The following SLC25A19 variants were observed in gnomAD, a reference collection of about 807,000 sequenced individuals.
SLC25A19 encodes the protein solute carrier family 25 member 19.
In SLC25A19, 18 loss-of-function variants were observed where a neutral mutation model predicts 27.9. The observed-to-expected ratio is 0.64, with a 90% CI of 0.45 to 0.96. The LOEUF is 0.96. SLC25A19 is among the 40% of genes least tolerant of loss of function. The probability of loss-of-function intolerance (pLI) is 0.00; values close to 1 mark genes in which losing one functional copy is unlikely to be tolerated. For synonymous variants in SLC25A19, 169 were observed against 167.1 expected (o/e 1.01, Z -0.09); for missense variants, 371 against 418.3 (o/e 0.89, Z 0.99).
In SLC25A19 at chr17:75,278,297, A is replaced by G; in HGVS notation, c.498T>C (p.Tyr166=). The G allele has an allele frequency of 6.2e-7, 1 of 1,614,124 alleles. No homozygotes were observed. The highest frequency in any genetic ancestry group is 8.5e-7 in the Non-Finnish European group (1 of 1,180,028). The change falls in exon 6 of 8, where the codon TAT becomes TAC. Residue 166 remains tyrosine (Y), a synonymous_variant. Coordinates refer to ENST00000416858, the MANE Select transcript of SLC25A19 (RefSeq NM_001126121.2). The stretch of plus-strand genomic sequence containing the variant: ...AGAAAACCTGGGGGCCTTCGCTCCT[A>G]TACATGGTCCCCACGGCGTGGCGCA... ...NTLRHAVGTM[Y]RSEGPQVFYK...
chr17:75,281,181 C>T (rs1269863146), intron 5 of SLC25A19, among the ~76,000 whole-genome samples: 1 of 151,916 alleles, frequency 6.6e-6, no homozygotes, highest in South Asian at 2.1e-4. Context: ...CAGATCAAGA[C>T]CCTGTCTCAA....
chr17:75,289,012 G>C (rs2078249275), intron 1 of SLC25A19: 1 of 152,318 alleles, frequency 6.6e-6, no homozygotes, highest in African/African-American at 2.4e-5. Flanking sequence ...GAGCATACCA[G>C]GCTCTTCCTG....
chr17:75,284,038 C>T (rs1040207922), intron 4 of SLC25A19, among the ~76,000 whole-genome samples: 2 of 151,726 alleles, frequency 1.3e-5, no homozygotes, highest in Admixed American at 6.6e-5. Context: ...CACTTGAACC[C>T]GGGAGGCAGA....
intron 5 of SLC25A19, among the ~76,000 whole-genome samples, chr17:75,282,090 C>G (rs1246640452): frequency 6.6e-6 from 1 of 150,580 alleles, no homozygotes; most frequent in Admixed American, 6.6e-5. Flanking sequence ...GGCAACATGA[C>G]GAAACCCCGT....
chr17:75,278,930 C>T (rs1381456905), intron 5 of SLC25A19, among the ~76,000 whole-genome samples: 1 of 151,558 alleles, frequency 6.6e-6, no homozygotes, highest in Non-Finnish European at 1.5e-5. Flanking sequence ...TTGCAGTGAG[C>T]TGAGATTGTA....
At position 75,282,762 on chromosome 17, in the gene SLC25A19, G is replaced by C. The variant is rs533756370; in HGVS notation, c.459+661C>G. Among the ~76,000 whole-genome samples the C allele has an allele frequency of 8.6e-5, 13 of 151,750 alleles. No homozygotes were observed. The South Asian group carries it at 2.3e-3, about 27-fold the overall frequency. On this transcript the variant is annotated intron_variant, in intron 5 of 7. Transcript: ENST00000416858. Reference sequence around the variant, plus strand: ...AGCTACTCGGGAGGCTGAGGAGGGAGAATGGCGTGAACCCAGGAGGCGGAG... The same window carrying C: ...AGCTACTCGGGAGGCTGAGGAGGGACAATGGCGTGAACCCAGGAGGCGGAG...
intron 2 of SLC25A19, 152 bp from the exon 3 acceptor site, chr17:75,286,954 A>G: frequency 1.4e-6 from 1 of 720,070 alleles, no homozygotes; most frequent in Non-Finnish European, 2.3e-6. Flanking sequence ...GTATCCCAGC[A>G]CTTTCGGAGG....
intron 2 of SLC25A19, 182 bp downstream of exon 2, chr17:75,288,320 A>ATTGCC (rs929045170): frequency 5.3e-5 from 8 of 152,006 alleles, no homozygotes; most frequent in Admixed American, 3.9e-4. Context: ...ACTCCTATCA[A>ATTGCC]TTGCCTTGCC....
intron 6 of SLC25A19, 128 bp downstream of exon 6, chr17:75,278,024 A>G: frequency 1.0e-6 from 1 of 974,130 alleles, no homozygotes; most frequent in South Asian, 1.3e-5. Context: ...TTGCCACATT[A>G]CAGAGCCAGG....
At chr17:75,275,977 T>A (rs7222782) in intron 7 of SLC25A19, among the ~76,000 whole-genome samples, 136,827 of 151,064 alleles carry the variant, frequency 0.91, 62,033 homozygotes, top group East Asian at 1. Context: ...TCTCAAAAAA[T>A]ATATATATAT....
chr17:75,282,492 T>C (rs2078063278), intron 5 of SLC25A19, among the ~76,000 whole-genome samples: 1 of 151,996 alleles, frequency 6.6e-6, no homozygotes, highest in South Asian at 2.1e-4. Context: ...GAGGTTGCAG[T>C]GAGCCGAGAT....
In SLC25A19 at chr17:75,278,994, TAAATA is replaced by T. The variant is rs781503794; in HGVS notation, c.460-664_460-660del. 1.9e-3 allele frequency among the ~76,000 whole-genome samples: 197 copies of T among 105,954 alleles called. 2 individuals carry two copies. The highest frequency in any genetic ancestry group is 3.5e-3 in the South Asian group (13 of 3,674). 69.5% of individuals were successfully genotyped at this position (105,954 alleles called of 152,430 possible). On this transcript the variant is annotated intron_variant, in intron 5 of 7. Coordinates refer to ENST00000416858, the MANE Select transcript of SLC25A19 (RefSeq NM_001126121.2). ...GGAGACTCTGTCTCAAAAACATAAA[TAAATA>T]AATAAATAAATAAATAAATAAATAA...
chr17:75,283,348 A>C, intron 5 of SLC25A19, 75 bp downstream of exon 5: 2 of 1,369,566 alleles, frequency 1.5e-6, no homozygotes, highest in Non-Finnish European at 9.8e-7. Context: ...TAAATAAATA[A>C]AAAATAAAGA....
chr17:75,276,512 C>T (rs111398047), intron 7 of SLC25A19, among the ~76,000 whole-genome samples: 14,429 of 139,726 alleles, frequency 0.1, 1,020 homozygotes, highest in Middle Eastern at 0.18. Flanking sequence ...GGACTACAGG[C>T]GCCCACCACC....
chr17:75,280,809 C>T (rs1018404482), intron 5 of SLC25A19, among the ~76,000 whole-genome samples: 3 of 151,258 alleles, frequency 2.0e-5, no homozygotes, highest in Non-Finnish European at 3.0e-5. Flanking sequence ...GGCATGGTAG[C>T]GGACCTGTAG....
chr17:75,286,920 G>T, intron 2 of SLC25A19, 118 bp from the exon 3 acceptor site: 1 of 1,038,596 alleles, frequency 9.6e-7, no homozygotes, highest in South Asian at 1.4e-5. Flanking sequence ...CTCACTTTTG[G>T]ACTGGGCGCA....
At chr17:75,282,040 C>T (rs1208146886) in intron 5 of SLC25A19, among the ~76,000 whole-genome samples, 2 of 152,020 alleles carry the variant, frequency 1.3e-5, no homozygotes, top group African/African-American at 4.8e-5. Flanking sequence ...GAGGCCGAGG[C>T]GGGCAGACGG....
At chr17:75,281,365 T>C (rs2078035178) in intron 5 of SLC25A19, among the ~76,000 whole-genome samples, 1 of 152,140 alleles carries the variant, frequency 6.6e-6, no homozygotes. Context: ...CTCGAGTCTA[T>C]CCCATTTCCA....
intron 5 of SLC25A19, among the ~76,000 whole-genome samples, chr17:75,280,889 T>C (rs982680363): frequency 3.4e-5 from 5 of 148,632 alleles, no homozygotes; most frequent in African/African-American, 7.5e-5. Flanking sequence ...TGAGCTGAGA[T>C]TGTGCCTCCA....
Sources: gnomAD v4.1 joint callset for allele counts (sites outside exome capture counted in the v4.1 genomes callset) on GRCh38, gnomAD v4.1.1 for gene constraint, MANE v1.5 for transcripts, NCBI Gene and HGNC (gene_info 2026-07-23, HGNC 2026-07-21) for gene names.